The following ZNF3 variants were observed in gnomAD, a reference collection of about 807,000 sequenced individuals.
The protein encoded by ZNF3 is C2-H2 type zinc finger protein.
A neutral mutation model predicts 36.9 loss-of-function variants in ZNF3; 16 were observed. The ratio of observed to expected loss-of-function variants is 0.43; its 90% CI spans 0.29 to 0.66. The LOEUF (loss-of-function observed/expected upper bound fraction) is 0.66. Among genes scored for constraint, ZNF3 ranks in the 30% least tolerant of loss-of-function variants. ZNF3 has a pLI of 0.13. For synonymous variants in ZNF3, 201 were observed against 201.9 expected (o/e 1.00, Z 0.04); for missense variants, 462 against 543.1 (o/e 0.85, Z 1.48).
chr7:100,077,497 G>A lies in ZNF3; in HGVS notation c.-76-64C>T, dbSNP rs1794310462. Reference sequence around the variant, plus strand: ...AAAAACCTCCTGAATACAGAAAGATGGGAGCTAGTATTTCAGTGAGTACCC... The same window carrying A: ...AAAAACCTCCTGAATACAGAAAGATAGGAGCTAGTATTTCAGTGAGTACCC... On this transcript the variant is annotated intron_variant, in intron 2 of 5. Transcript: ENST00000299667. 3.4e-6 allele frequency: 5 copies of A among 1,487,918 alleles called. 1 individual carries two copies. In the South Asian group the frequency reaches 6.5e-5, roughly 19 times the overall value. 92.2% of individuals were successfully genotyped at this position (1,487,918 alleles called of 1,614,324 possible).
intron 2 of ZNF3, 147 bp from the exon 3 acceptor site, chr7:100,077,580 T>C (rs1794323033): frequency 1.4e-6 from 1 of 718,702 alleles, no homozygotes; most frequent in Non-Finnish European, 2.0e-6. Flanking sequence ...CTTTTATTTT[T>C]TAATTTTTTT....
At position 100,064,936 on chromosome 7, in the gene ZNF3, A is replaced by T. The variant is rs557785552; in HGVS notation, c.272-24T>A. 6.8e-6 allele frequency: 11 copies of T among 1,610,618 alleles called. No individual in the cohort carries two copies. The East Asian group carries it at 2.5e-4, about 36-fold the overall frequency. On this transcript the variant is annotated intron_variant, in intron 5 of 5. Transcript: ENST00000413658. ...GTCTAGTTAAGGAAGAAACATTAAG[A>T]TTGTTTAATTTTTAACATATATTCA...
At chr7:100,077,981 C>T (rs13236582) in intron 2 of ZNF3, 2 of 151,932 alleles carry the variant, frequency 1.3e-5, no homozygotes, top group African/African-American at 4.8e-5. Context: ...CCGCCCACCC[C>T]AGCCTCCCCA....
At chr7:100,072,799 A>G (rs1765538322) in intron 5 of ZNF3, among the ~76,000 whole-genome samples, 2 of 152,210 alleles carry the variant, frequency 1.3e-5, no homozygotes, top group Admixed American at 6.5e-5. Flanking sequence ...ATAAAAGGCT[A>G]TGCTCGCACG....
At chr7:100,069,139 TTTTTAA>T (rs1428691595), downstream of ZNF3, among the ~76,000 whole-genome samples, 1 of 152,068 alleles carries the variant, frequency 6.6e-6, no homozygotes, top group African/African-American at 2.4e-5. Context: ...TAATTTTTTT[TTTTTAA>T]TTTTGTTGTA....
rs184035857 is a variant in ZNF3, at chr7:100,070,763, G to A, written c.*380C>T. 15,145 of 1,019,352 alleles carry A rather than the reference G, an allele frequency of 0.015. 136 individuals carry two copies. The highest frequency in any genetic ancestry group is 0.016 in the Non-Finnish European group (13,510 of 849,946). The allele number at this position is 1,019,352 out of a possible 1,614,324, so 63.1% of individuals were successfully genotyped here. On this transcript the variant is annotated 3_prime_UTR_variant, in exon 6 of 6. Coordinates refer to ENST00000299667, the MANE Select transcript of ZNF3 (RefSeq NM_032924.5). ...CCTAGCAAATAACAGGACCCAGAGC[G>A]TCCTTTCCACTGCTGTCTGTGCTGA...
Position 100,071,961 on chromosome 7 carries a change from T to C in ZNF3, c.523A>G (p.Asn175Asp), listed in dbSNP as rs745559364. The C allele has an allele frequency of 2.4e-5, 38 of 1,613,992 alleles. No homozygotes were observed. Among genetic ancestry groups the C allele is most frequent in the African/African-American group, 1.3e-4 (10 of 74,926 alleles). The change falls in exon 6 of 6, where the codon AAT (asparagine) becomes GAT (aspartate). Residue 175 changes from asparagine to aspartate, a missense_variant. Transcript: ENST00000299667. ...TPRGERSEKY[N>D]DFGNSFTVNS... ...ACAGTGAAGCTGTTCCCAAAATCAT[T>C]ATATTTCTCGCTTCTCTCTCCCCTG...
chr7:100,072,011 A>G lies in ZNF3; in HGVS notation c.473T>C (p.Val158Ala), dbSNP rs1365153353. 1 of 1,613,924 alleles carries G rather than the reference A, an allele frequency of 6.2e-7. No homozygotes were observed. Among genetic ancestry groups the G allele is most frequent in the Non-Finnish European group, 8.5e-7 (1 of 1,179,968 alleles). ...LNRKMPDFGQ[V>A]TVEEKLTPRG... ...GGGGGTTAGCTTCTCCTCAACTGTCACTTGACCAAAATCTGGCATTTTCCT... is the reference window on the plus strand; with the variant it reads ...GGGGGTTAGCTTCTCCTCAACTGTCGCTTGACCAAAATCTGGCATTTTCCT... The change falls in exon 6 of 6, where the codon GTG becomes GCG. Residue 158 changes from valine (V) to alanine (A), a missense_variant. By Grantham distance (64) the Val-to-Ala change is moderately conservative (BLOSUM62 0). Coordinates refer to ENST00000299667, the MANE Select transcript of ZNF3 (RefSeq NM_032924.5).
At chr7:100,074,988 T>A in intron 5 of ZNF3, 147 bp downstream of exon 5, 2 of 999,190 alleles carry the variant, frequency 2.0e-6, no homozygotes, top group Non-Finnish European at 2.9e-6. Context: ...ATCTGGGAGA[T>A]GGATGTTGCA....
In ZNF3 at chr7:100,075,591, C is replaced by T; in HGVS notation, c.95G>A (p.Ser32Asn). The change falls in exon 4 of 6, where the codon AGC becomes AAC. Residue 32 changes from serine (S) to asparagine (N), a missense_variant. Ser to Asn is a conservative substitution (Grantham distance 46). Transcript: ENST00000299667. ...SKVPAFSDKD[S>N]LGDEMLAAAL... ...AGCCGCCAACATCTCATCCCCCAGG[C>T]TGTCCTTGTCGGAAAAGGCAGGAAC... 5.6e-6 allele frequency: 9 copies of T among 1,614,160 alleles called. No homozygotes were observed. Among genetic ancestry groups the T allele is most frequent in the Non-Finnish European group, 7.6e-6 (9 of 1,180,020 alleles).
At chr7:100,075,679 C>CTCCCAACCTGCTGACT in intron 3 of ZNF3, 49 bp from the exon 4 acceptor site, 3 of 1,580,582 alleles carry the variant, frequency 1.9e-6, no homozygotes, top group Non-Finnish European at 2.6e-6. Context: ...GCTCTGTGAC[C>CTCCCAACCTGCTGACT]TCCCAACCTG....
chr7:100,077,180 C>T (rs1794264651), intron 3 of ZNF3, 123 bp downstream of exon 3: 7 of 1,208,064 alleles, frequency 5.8e-6, no homozygotes, highest in African/African-American at 3.0e-5. Context: ...TACTGAATGG[C>T]GAAGAGTGTG....
chr7:100,067,810 A>G (rs779521666), downstream of ZNF3, among the ~76,000 whole-genome samples: 64 of 152,126 alleles, frequency 4.2e-4, no homozygotes, highest in African/African-American at 1.4e-3. Flanking sequence ...CTCCTCTACA[A>G]TCTCAACTCT....
At chr7:100,082,051 C>G (rs931550817), upstream of ZNF3, among the ~76,000 whole-genome samples, 7 of 152,110 alleles carry the variant, frequency 4.6e-5, no homozygotes, top group African/African-American at 1.2e-4. Flanking sequence ...GCGGGGATGT[C>G]GAGCCCGCGC....
intron 5 of ZNF3, among the ~76,000 whole-genome samples, chr7:100,072,814 G>T (rs576608333): frequency 6.6e-6 from 1 of 152,324 alleles, no homozygotes; most frequent in Admixed American, 6.5e-5. Flanking sequence ...CGCACGTAAG[G>T]CTATGCAAAG....
At chr7:100,064,292 GC>G in exon 6 of ZNF3, 5 of 1,614,134 alleles carry the variant, frequency 3.1e-6, no homozygotes, top group Non-Finnish European at 4.2e-6. Flanking sequence ...AAAGATTGTG[GC>G]AAGGCTTTCA....
At chr7:100,064,298 C>A in exon 6 of ZNF3, 1 of 1,614,176 alleles carries the variant, frequency 6.2e-7, no homozygotes, top group Non-Finnish European at 8.5e-7. Context: ...TGTGGCAAGG[C>A]TTTCAGCGGG....
chr7:100,064,484 A>T (rs781748674), exon 6 of ZNF3: 2 of 1,614,068 alleles, frequency 1.2e-6, no homozygotes, highest in South Asian at 2.2e-5. Context: ...CACAGCTCCA[A>T]CTTCAATAAA....
intron 5 of ZNF3, among the ~76,000 whole-genome samples, chr7:100,073,973 T>C (rs1343563705): frequency 6.6e-6 from 1 of 151,764 alleles, no homozygotes; most frequent in Non-Finnish European, 1.5e-5. Flanking sequence ...CTGACCAACA[T>C]GGAAAAACTC....
Sources: allele counts gnomAD v4.1 joint callset (sites outside exome capture counted in the v4.1 genomes callset), GRCh38; gene constraint gnomAD v4.1.1; transcripts MANE v1.5; gene names NCBI Gene and HGNC (gene_info 2026-07-23, HGNC 2026-07-21).